Variants in DCC observed in about 807,000 individuals in gnomAD.
The protein encoded by DCC is DCC netrin 1 receptor, also known as netrin receptor DCC.
DCC carries 58 observed loss-of-function variants against 172.5 expected under a neutral mutation model. That is an observed-to-expected ratio of 0.34 (90% CI 0.27 to 0.42). DCC has a LOEUF of 0.42. Among genes scored for constraint, DCC ranks in the 10% least tolerant of loss-of-function variants. DCC has a pLI of 1.00. For missense variants in DCC, 1,740 were observed against 1,791.0 expected (o/e 0.97, Z 0.51); for synonymous variants, 709 against 644.5 (o/e 1.10, Z -1.52).
intron 19 of DCC, among the ~76,000 whole-genome samples, chr18:53,405,602 A>G (rs1568111374): frequency 1.3e-5 from 2 of 152,274 alleles, no homozygotes; most frequent in South Asian, 4.1e-4. Context: ...AAATATAAGT[A>G]CTCAAAAAGA....
At chr18:53,466,642 C>T (rs1196328068) in intron 24 of DCC, among the ~76,000 whole-genome samples, 2 of 152,200 alleles carry the variant, frequency 1.3e-5, no homozygotes, top group African/African-American at 2.4e-5. Context: ...TCTTCTGCCT[C>T]AGCCTCCCAA....
At chr18:52,915,881 A>T (rs1023062676) in intron 3 of DCC, among the ~76,000 whole-genome samples, 1 of 152,118 alleles carries the variant, frequency 6.6e-6, no homozygotes. Context: ...GATTAATTTT[A>T]TGAGACTGTG....
chr18:53,317,125 C>G (rs1249401787), intron 13 of DCC, among the ~76,000 whole-genome samples: 1 of 144,706 alleles, frequency 6.9e-6, no homozygotes, highest in African/African-American at 2.8e-5. Context: ...TCCATCAATA[C>G]CTAGTTTATT....
At chr18:53,209,703 G>C (rs2144563747) in intron 11 of DCC, among the ~76,000 whole-genome samples, 1 of 152,162 alleles carries the variant, frequency 6.6e-6, no homozygotes. Flanking sequence ...TTCTGTTATT[G>C]AAGACAGAAC....
At chr18:52,486,691 C>G (rs1159982934) in intron 1 of DCC, among the ~76,000 whole-genome samples, 2 of 152,096 alleles carry the variant, frequency 1.3e-5, no homozygotes, top group African/African-American at 4.8e-5. Flanking sequence ...ATACGAACCA[C>G]AAATCTGCGA....
intron 2 of DCC, among the ~76,000 whole-genome samples, chr18:52,778,013 C>A (rs56399533): frequency 0.18 from 27,304 of 151,888 alleles, 2,617 homozygotes; most frequent in Middle Eastern, 0.24. Flanking sequence ...GTATTACTTA[C>A]AAGGGTTTTT....
chr18:52,559,995 AT>A (rs1466998859), intron 1 of DCC, among the ~76,000 whole-genome samples: 1 of 152,206 alleles, frequency 6.6e-6, no homozygotes, highest in Non-Finnish European at 1.5e-5. Flanking sequence ...GATTTTTTAC[AT>A]TGTAAATGAG....
At chr18:52,520,678 A>G (rs575880074) in intron 1 of DCC, among the ~76,000 whole-genome samples, 3 of 152,124 alleles carry the variant, frequency 2.0e-5, no homozygotes, top group Admixed American at 6.6e-5. Flanking sequence ...TGAGTTTTAA[A>G]TACTTTTTGT....
chr18:53,314,255 G>A (rs2057318615), intron 13 of DCC, among the ~76,000 whole-genome samples: 1 of 152,140 alleles, frequency 6.6e-6, no homozygotes, highest in South Asian at 2.1e-4. Context: ...TTCTGCTTCT[G>A]CTTTATATCA....
intron 1 of DCC, among the ~76,000 whole-genome samples, chr18:52,573,824 G>A (rs1478106183): frequency 6.6e-6 from 1 of 152,180 alleles, no homozygotes; most frequent in Non-Finnish European, 1.5e-5. Flanking sequence ...AGTATCAGCA[G>A]TTTCTAGATT....
At chr18:52,373,113 A>G (rs1302739484) in intron 1 of DCC, among the ~76,000 whole-genome samples, 2 of 152,186 alleles carry the variant, frequency 1.3e-5, no homozygotes, top group Non-Finnish European at 2.9e-5. Context: ...ATGTAAACAC[A>G]TCCAGAAGAA....
At chr18:53,522,438 C>CA (rs1290534687) in intron 27 of DCC, among the ~76,000 whole-genome samples, 2 of 151,882 alleles carry the variant, frequency 1.3e-5, no homozygotes, top group Non-Finnish European at 2.9e-5. Flanking sequence ...CATGTGGAAC[C>CA]AAAAAAGGGC....
chr18:53,103,077 T>C (rs2043196009), intron 7 of DCC, among the ~76,000 whole-genome samples: 1 of 152,108 alleles, frequency 6.6e-6, no homozygotes, highest in South Asian at 2.1e-4. Flanking sequence ...ATTTACCCCA[T>C]TCATTTATGA....
intron 7 of DCC, among the ~76,000 whole-genome samples, chr18:53,141,641 TC>T (rs1389150824): frequency 6.6e-6 from 1 of 152,234 alleles, no homozygotes; most frequent in Non-Finnish European, 1.5e-5. Flanking sequence ...TTTTGTGGAT[TC>T]TTTCAATGAC....
chr18:52,772,226 C>A (rs1250318778), intron 2 of DCC, among the ~76,000 whole-genome samples: 1 of 152,122 alleles, frequency 6.6e-6, no homozygotes, highest in Non-Finnish European at 1.5e-5. Flanking sequence ...GGTTTAGGAA[C>A]TTTATGTTAA....
At chr18:52,488,628 G>A (rs2030345998) in intron 1 of DCC, among the ~76,000 whole-genome samples, 1 of 152,058 alleles carries the variant, frequency 6.6e-6, no homozygotes, top group South Asian at 2.1e-4. Context: ...TCTCTAATTT[G>A]TGGGACCTTC....
intron 19 of DCC, 81 bp from the exon 20 acceptor site, chr18:53,410,371 C>T (rs1330689328): frequency 6.0e-6 from 5 of 839,134 alleles, no homozygotes; most frequent in Non-Finnish European, 1.1e-5. Flanking sequence ...TTGTAAATTA[C>T]ATTTGGGAAA....
At chr18:52,776,747 C>T (rs2037442216) in intron 2 of DCC, among the ~76,000 whole-genome samples, 1 of 152,168 alleles carries the variant, frequency 6.6e-6, no homozygotes, top group South Asian at 2.1e-4. Context: ...CTCCCTGTGA[C>T]TCCTCAACAA....
intron 5 of DCC, 74 bp from the exon 6 acceptor site, chr18:53,063,231 T>C (rs2042520460): frequency 7.3e-7 from 1 of 1,364,522 alleles, no homozygotes; most frequent in Non-Finnish European, 1.0e-6. Flanking sequence ...TGTTTTAAAC[T>C]CAGTGAAGAC....
Sources: gnomAD v4.1 joint callset for allele counts (sites outside exome capture counted in the v4.1 genomes callset) on GRCh38, gnomAD v4.1.1 for gene constraint, MANE v1.5 for transcripts, NCBI Gene and HGNC (gene_info 2026-07-23, HGNC 2026-07-21) for gene names.